Variants in BRINP3 observed in about 807,000 individuals in gnomAD.
The protein encoded by BRINP3 is BMP/retinoic acid inducible neural specific 3, also known as BMP/retinoic acid-inducible neural-specific protein 3.
Under a neutral mutation model 71.0 loss-of-function variants are expected in BRINP3, and 19 were observed. That is an observed-to-expected ratio of 0.27 (90% CI 0.19 to 0.39). The LOEUF (loss-of-function observed/expected upper bound fraction) is 0.39, where lower values mean the gene tolerates loss of function less well. BRINP3 is among the 10% of genes least tolerant of loss of function. BRINP3 has a pLI of 1.00. For missense variants in BRINP3, 959 were observed against 940.8 expected, an observed-to-expected ratio of 1.02 and a Z score of -0.25; for synonymous variants, 380 against 337.7, an observed-to-expected ratio of 1.13 and a Z score of -1.37.
chr1:190,366,611 A>C lies in BRINP3; in HGVS notation c.237-84861T>G, dbSNP rs1669519561. 2.0e-5 allele frequency among the ~76,000 whole-genome samples: 3 copies of C among 152,266 alleles called. No homozygotes were observed. In the South Asian group the frequency reaches 6.2e-4, roughly 32 times the overall value. ...CTTCCACCATTAACTCGAAAGTCCTATGCCAAAGTCTCATCTGAGACAAGG... is the reference window on the plus strand; with the variant it reads ...CTTCCACCATTAACTCGAAAGTCCTCTGCCAAAGTCTCATCTGAGACAAGG... On this transcript the variant is annotated intron_variant, in intron 2 of 7. Coordinates refer to ENST00000367462, the MANE Select transcript of BRINP3 (RefSeq NM_199051.3).
intron 6 of BRINP3, among the ~76,000 whole-genome samples, chr1:190,193,599 A>T (rs1003676901): frequency 6.6e-6 from 1 of 152,090 alleles, no homozygotes; most frequent in Non-Finnish European, 1.5e-5. Context: ...TAAGTTAAGG[A>T]TCTCAACATT....
At chr1:190,260,339 A>T (rs1661074967) in intron 4 of BRINP3, among the ~76,000 whole-genome samples, 1 of 152,088 alleles carries the variant, frequency 6.6e-6, no homozygotes, top group Non-Finnish European at 1.5e-5. Context: ...TGAAAAGATG[A>T]TTGGTATGGT....
intron 3 of BRINP3, among the ~76,000 whole-genome samples, chr1:190,277,902 T>C (rs1200011112): frequency 6.6e-6 from 1 of 151,726 alleles, no homozygotes; most frequent in African/African-American, 2.4e-5. Flanking sequence ...ACTATATCGA[T>C]AAACAGTCTG....
intron 7 of BRINP3, among the ~76,000 whole-genome samples, chr1:190,141,907 T>G (rs1016396672): frequency 2.0e-5 from 3 of 152,066 alleles, no homozygotes; most frequent in Non-Finnish European, 4.4e-5. Context: ...TAAAGACTGA[T>G]TTGTACATCC....
At chr1:190,346,084 T>C (rs752271741) in intron 2 of BRINP3, among the ~76,000 whole-genome samples, 10 of 152,150 alleles carry the variant, frequency 6.6e-5, no homozygotes, top group Non-Finnish European at 1.3e-4. Context: ...GTAGCATTTC[T>C]AGCAGGTCTG....
At chr1:190,102,617 G>A (rs1167402127) in intron 7 of BRINP3, among the ~76,000 whole-genome samples, 2 of 151,838 alleles carry the variant, frequency 1.3e-5, no homozygotes, top group Admixed American at 1.3e-4. Flanking sequence ...AAAAAAGGAA[G>A]GGAGAAAGAA....
At chr1:190,317,904 A>G (rs1170696902) in intron 2 of BRINP3, among the ~76,000 whole-genome samples, 4 of 152,134 alleles carry the variant, frequency 2.6e-5, no homozygotes, top group African/African-American at 9.7e-5. Context: ...TAAAAAATAA[A>G]TTTATCTGTT....
chr1:190,139,877 G>A (rs1332805976), intron 7 of BRINP3, among the ~76,000 whole-genome samples: 1 of 152,156 alleles, frequency 6.6e-6, no homozygotes, highest in Admixed American at 6.5e-5. Context: ...AAGTCAAGGG[G>A]CTACCCCATG....
intron 2 of BRINP3, among the ~76,000 whole-genome samples, chr1:190,313,149 CACT>C (rs1368887998): frequency 2.0e-5 from 3 of 151,718 alleles, no homozygotes; most frequent in African/African-American, 7.3e-5. Flanking sequence ...TATTTCAGAA[CACT>C]ACAATTAAAT....
At chr1:190,103,933 C>T (rs1360877911) in intron 7 of BRINP3, among the ~76,000 whole-genome samples, 2 of 150,870 alleles carry the variant, frequency 1.3e-5, no homozygotes, top group Non-Finnish European at 3.0e-5. Flanking sequence ...ATTTCATCTC[C>T]TTTCAGTAGT....
chr1:190,391,626 T>A (rs1218847206), intron 2 of BRINP3, among the ~76,000 whole-genome samples: 1 of 151,768 alleles, frequency 6.6e-6, no homozygotes, highest in Non-Finnish European at 1.5e-5. Flanking sequence ...TTTGTATAGG[T>A]TCCTTAGGGA....
intron 6 of BRINP3, among the ~76,000 whole-genome samples, chr1:190,214,126 A>G (rs1434486772): frequency 6.6e-6 from 1 of 152,066 alleles, no homozygotes; most frequent in Non-Finnish European, 1.5e-5. Flanking sequence ...ATCTTCAAAG[A>G]GCATTCCCCA....
At chr1:190,134,026 C>T (rs533860760) in intron 7 of BRINP3, among the ~76,000 whole-genome samples, 14 of 151,980 alleles carry the variant, frequency 9.2e-5, no homozygotes, top group South Asian at 6.2e-4. Flanking sequence ...AATACAACAG[C>T]GAAAAAGAGA....
intron 3 of BRINP3, among the ~76,000 whole-genome samples, 188 bp from the exon 4 acceptor site, chr1:190,265,243 G>T (rs1038639252): frequency 1.3e-5 from 2 of 151,848 alleles, no homozygotes; most frequent in South Asian, 2.1e-4. Flanking sequence ...CTGGGATATT[G>T]GTCACTTTAA....
At chr1:190,151,883 A>T (rs910331056) in intron 7 of BRINP3, among the ~76,000 whole-genome samples, 1 of 152,190 alleles carries the variant, frequency 6.6e-6, no homozygotes, top group Non-Finnish European at 1.5e-5. Context: ...AAAATCAAAA[A>T]ACTGGAGAAA....
chr1:190,310,849 A>G (rs1451246043), intron 2 of BRINP3, among the ~76,000 whole-genome samples: 1 of 151,794 alleles, frequency 6.6e-6, no homozygotes, highest in East Asian at 1.9e-4. Context: ...CCATGAGGTA[A>G]GAATAAATTA....
chr1:190,318,402 G>A (rs576117972), intron 2 of BRINP3, among the ~76,000 whole-genome samples: 1 of 152,126 alleles, frequency 6.6e-6, no homozygotes, highest in Admixed American at 6.6e-5. Context: ...CTTGATTACA[G>A]GAGTTAGACT....
At chr1:190,119,932 C>G (rs1434780492) in intron 7 of BRINP3, among the ~76,000 whole-genome samples, 1 of 152,212 alleles carries the variant, frequency 6.6e-6, no homozygotes, top group Non-Finnish European at 1.5e-5. Flanking sequence ...TACAGATCCT[C>G]GAAGAGCAGC....
chr1:190,351,701 C>T (rs1668397140), intron 2 of BRINP3, among the ~76,000 whole-genome samples: 1 of 152,026 alleles, frequency 6.6e-6, no homozygotes, highest in Admixed American at 6.6e-5. Flanking sequence ...TGTAGGCTAT[C>T]ATAGATTCAT....
Sources: gnomAD v4.1 joint callset for allele counts (sites outside exome capture counted in the v4.1 genomes callset) on GRCh38, gnomAD v4.1.1 for gene constraint, MANE v1.5 for transcripts, NCBI Gene and HGNC (gene_info 2026-07-23, HGNC 2026-07-21) for gene names.